The following PTPRT variants were observed in gnomAD, a reference collection of about 807,000 sequenced individuals.
The protein encoded by PTPRT is receptor-type tyrosine-protein phosphatase T.
Under a neutral mutation model 176.8 loss-of-function variants are expected in PTPRT, and 56 were observed. The ratio of observed to expected loss-of-function variants is 0.32; its 90% CI spans 0.26 to 0.40. The LOEUF is 0.40. Among genes scored for constraint, PTPRT ranks in the 10% least tolerant of loss-of-function variants. The pLI is 1.00. For synonymous variants in PTPRT, 783 were observed against 739.0 expected, an observed-to-expected ratio of 1.06 and a Z score of -0.96; for missense variants, 1,540 against 1,908.2, an observed-to-expected ratio of 0.81 and a Z score of 3.60.
chr20:42,386,022 A>C (rs542589434), intron 9 of PTPRT, among the ~76,000 whole-genome samples: 1 of 152,354 alleles, frequency 6.6e-6, no homozygotes, highest in Non-Finnish European at 1.5e-5. Context: ...AACAAACTAA[A>C]ACATGTGACT....
intron 7 of PTPRT, among the ~76,000 whole-genome samples, chr20:42,652,963 T>C (rs1185847504): frequency 2.0e-5 from 3 of 152,138 alleles, no homozygotes; most frequent in East Asian, 1.9e-4. Flanking sequence ...GCCTACATCA[T>C]GTGTGAAGTC....
intron 17 of PTPRT, among the ~76,000 whole-genome samples, chr20:42,158,581 T>C (rs1422706243): frequency 2.0e-5 from 3 of 152,162 alleles, no homozygotes; most frequent in African/African-American, 7.2e-5. Flanking sequence ...ATGATTCTCC[T>C]AGCAGATCTG....
At chr20:42,670,855 G>C (rs2075400602) in intron 7 of PTPRT, among the ~76,000 whole-genome samples, 1 of 152,220 alleles carries the variant, frequency 6.6e-6, no homozygotes, top group Non-Finnish European at 1.5e-5. Context: ...ATAAAAGAAA[G>C]CAATGTCTGG....
At chr20:43,080,228 A>G (rs565753771) in intron 1 of PTPRT, among the ~76,000 whole-genome samples, 5 of 152,284 alleles carry the variant, frequency 3.3e-5, no homozygotes, top group African/African-American at 1.2e-4. Context: ...TGGTGCTTCT[A>G]TTGATTTTTC....
chr20:43,043,137 G>A (rs1292325540), intron 1 of PTPRT, among the ~76,000 whole-genome samples: 1 of 152,120 alleles, frequency 6.6e-6, no homozygotes, highest in Non-Finnish European at 1.5e-5. Flanking sequence ...TTGCCAAAGC[G>A]AGGTGCACCA....
At chr20:43,115,481 C>T (rs937825534) in intron 1 of PTPRT, among the ~76,000 whole-genome samples, 1 of 152,136 alleles carries the variant, frequency 6.6e-6, no homozygotes, top group African/African-American at 2.4e-5. Context: ...ATCGATGATA[C>T]CACAGAGCCA....
intron 9 of PTPRT, among the ~76,000 whole-genome samples, chr20:42,385,758 C>G (rs1222843269): frequency 6.6e-6 from 1 of 152,068 alleles, no homozygotes; most frequent in Non-Finnish European, 1.5e-5. Flanking sequence ...GGGGGAACTC[C>G]CATTTATAAA....
intron 9 of PTPRT, among the ~76,000 whole-genome samples, chr20:42,430,520 T>A (rs1446401129): frequency 6.6e-6 from 1 of 152,142 alleles, no homozygotes; most frequent in African/African-American, 2.4e-5. Flanking sequence ...TGCTTCAACC[T>A]CTTCTTCTGC....
chr20:43,088,333 GGT>G (rs67837016), intron 1 of PTPRT, among the ~76,000 whole-genome samples: 16,257 of 142,510 alleles, frequency 0.11, 915 homozygotes, highest in Admixed American at 0.15. Flanking sequence ...TTTGCTTTGG[GGT>G]GTGTGTGTGT....
chr20:42,929,328 G>A (rs1407717789), intron 1 of PTPRT, among the ~76,000 whole-genome samples: 1 of 152,244 alleles, frequency 6.6e-6, no homozygotes. Flanking sequence ...AGCCCGAAGT[G>A]TGGAGACATG....
intron 10 of PTPRT, among the ~76,000 whole-genome samples, chr20:42,351,364 A>G (rs1320663898): frequency 2.0e-5 from 3 of 152,242 alleles, no homozygotes; most frequent in Non-Finnish European, 4.4e-5. Flanking sequence ...AGCACCAAAT[A>G]TATCCAACCA....
At chr20:42,620,684 G>C (rs1301686814) in intron 7 of PTPRT, among the ~76,000 whole-genome samples, 1 of 152,170 alleles carries the variant, frequency 6.6e-6, no homozygotes, top group Non-Finnish European at 1.5e-5. Flanking sequence ...GCAATATTCG[G>C]GTGGGAGTGA....
intron 6 of PTPRT, among the ~76,000 whole-genome samples, chr20:42,720,494 G>A (rs1321685960): frequency 2.0e-5 from 3 of 152,248 alleles, no homozygotes; most frequent in Middle Eastern, 3.4e-3. Context: ...GTTAGATTCC[G>A]AAATAAGAGT....
At chr20:43,146,699 C>CT (rs1340122760) in intron 1 of PTPRT, among the ~76,000 whole-genome samples, 1 of 152,138 alleles carries the variant, frequency 6.6e-6, no homozygotes, top group Non-Finnish European at 1.5e-5. Flanking sequence ...GGTCCTCTCA[C>CT]TTGCATGGGC....
At position 42,577,969 on chromosome 20, in the gene PTPRT, G is replaced by GTGTGTGTGTGTGTGTA. The variant is rs564005742; in HGVS notation, c.1153+99896_1153+99897insTACACACACACACACA. Among the ~76,000 whole-genome samples, 498 of 140,404 alleles carry GTGTGTGTGTGTGTGTA rather than the reference G, an allele frequency of 3.5e-3. 34 individuals carry two copies. Among genetic ancestry groups the GTGTGTGTGTGTGTGTA allele is most frequent in the African/African-American group, 0.013 (477 of 35,824 alleles). 92.1% of individuals were successfully genotyped at this position (140,404 alleles called of 152,430 possible). On this transcript the variant is annotated intron_variant, in intron 7 of 30. Transcript: ENST00000373187. Reference sequence around the variant, plus strand: ...TGTGTGTGTGTGTGTGTGTGTGTGTGTAGGCATACCCACATGTGTGTGAAT... The same window carrying GTGTGTGTGTGTGTGTA: ...TGTGTGTGTGTGTGTGTGTGTGTGTGTGTGTGTGTGTGTGTATAGGCATACCCACATGTGTGTGAAT...
chr20:42,840,499 G>A (rs754399229), intron 2 of PTPRT, among the ~76,000 whole-genome samples: 12 of 151,930 alleles, frequency 7.9e-5, no homozygotes, highest in Non-Finnish European at 1.5e-4. Flanking sequence ...TGCAACCTCC[G>A]CCTCCTGGGT....
At position 42,780,254 on chromosome 20, in the gene PTPRT, C is replaced by T. The variant is rs1420220673; in HGVS notation, c.532G>A (p.Ala178Thr). ...GCAAGGACCCGGACCTCGTCCACGG[C>T]GATGTAGCCAGGATGACCCTTCAAT... ...VSLKGHPGYI[A>T]VDEVRVLAHP... is the part of the protein sequence containing the mutation. The change falls in exon 4 of 31, where the codon GCC becomes ACC. Residue 178 changes from alanine to threonine, a missense_variant. By Grantham distance (58) the Ala-to-Thr change is moderately conservative. Coordinates refer to ENST00000373187, the MANE Select transcript of PTPRT (RefSeq NM_007050.6). 4.3e-6 allele frequency: 7 copies of T among 1,613,968 alleles called. No homozygotes were observed. The highest frequency in any genetic ancestry group is 1.1e-5 in the South Asian group (1 of 91,070).
intron 1 of PTPRT, among the ~76,000 whole-genome samples, chr20:43,017,273 A>T (rs1207700870): frequency 6.6e-6 from 1 of 152,138 alleles, no homozygotes; most frequent in Non-Finnish European, 1.5e-5. Context: ...CTCGATGATT[A>T]CATTCTGTGT....
chr20:42,357,794 G>A (rs941479946), intron 9 of PTPRT, among the ~76,000 whole-genome samples: 37 of 151,936 alleles, frequency 2.4e-4, no homozygotes, highest in Admixed American at 1.8e-3. Flanking sequence ...CACGCCTGTA[G>A]TCCTAGTTAC....
Sources: gnomAD v4.1 joint callset for allele counts (sites outside exome capture counted in the v4.1 genomes callset) on GRCh38, gnomAD v4.1.1 for gene constraint, MANE v1.5 for transcripts, NCBI Gene and HGNC (gene_info 2026-07-23, HGNC 2026-07-21) for gene names.